Variants in MAGI2 observed in about 807,000 individuals in gnomAD.
MAGI2 encodes membrane-associated guanylate kinase, WW and PDZ domain-containing protein 2.
MAGI2 carries 35 observed loss-of-function variants against 133.3 expected under a neutral mutation model. That is an observed-to-expected ratio of 0.26 (90% CI 0.20 to 0.35). The LOEUF is 0.35. Ranked by LOEUF, MAGI2 falls within the 10% of genes least tolerant of loss-of-function variation. The pLI is 1.00. For synonymous variants in MAGI2, 729 were observed against 710.6 expected (o/e 1.03, Z -0.41); for missense variants, 1,636 against 1,863.4 (o/e 0.88, Z 2.25).
At chr7:78,681,284 G>A (rs759547697) in intron 2 of MAGI2, among the ~76,000 whole-genome samples, 4 of 151,910 alleles carry the variant, frequency 2.6e-5, no homozygotes, top group African/African-American at 7.3e-5. Context: ...TTGTATATGC[G>A]GAAGGGAAAA....
At chr7:78,826,080 C>T (rs932073175) in intron 2 of MAGI2, among the ~76,000 whole-genome samples, 1 of 151,970 alleles carries the variant, frequency 6.6e-6, no homozygotes, top group Non-Finnish European at 1.5e-5. Context: ...AGGCCAGGCA[C>T]GGTGGCTCAC....
At chr7:78,675,827 G>A (rs1018258284) in intron 2 of MAGI2, among the ~76,000 whole-genome samples, 1 of 152,118 alleles carries the variant, frequency 6.6e-6, no homozygotes, top group East Asian at 1.9e-4. Context: ...AATCAGAGGT[G>A]CAGAGCCAGT....
intron 6 of MAGI2, among the ~76,000 whole-genome samples, chr7:78,440,059 ATATT>A (rs1018314931): frequency 5.3e-5 from 8 of 151,990 alleles, no homozygotes; most frequent in Non-Finnish European, 8.8e-5. Context: ...GGCTCCCATT[ATATT>A]TAAAGTCACA....
At chr7:78,936,889 T>C (rs1390471871) in intron 2 of MAGI2, among the ~76,000 whole-genome samples, 5 of 152,022 alleles carry the variant, frequency 3.3e-5, no homozygotes, top group Admixed American at 2.6e-4. Flanking sequence ...GAAATGAATA[T>C]AAACATATAT....
At chr7:78,927,170 G>A (rs1169260744) in intron 2 of MAGI2, among the ~76,000 whole-genome samples, 1 of 151,990 alleles carries the variant, frequency 6.6e-6, no homozygotes, top group Non-Finnish European at 1.5e-5. Context: ...AGGAAACCTA[G>A]AGTCTGGTGT....
At position 78,047,924 on chromosome 7, in the gene MAGI2, T is replaced by A. The variant is rs564135992; in HGVS notation, c.3707-27948A>T. 2.0e-5 allele frequency among the ~76,000 whole-genome samples: 3 copies of A among 152,344 alleles called. No individual in the cohort carries two copies. In the South Asian group the frequency reaches 6.2e-4, roughly 32 times the overall value. On this transcript the variant is annotated intron_variant, in intron 21 of 21. Transcript: ENST00000354212. ...ACCCAGCTCAGCTCAGATGCCGCCA[T>A]ATTCTTGCAGTCCTCCTTGATAAGC...
intron 6 of MAGI2, among the ~76,000 whole-genome samples, chr7:78,458,964 C>A (rs1162792392): frequency 6.6e-6 from 1 of 152,102 alleles, no homozygotes; most frequent in Non-Finnish European, 1.5e-5. Flanking sequence ...AAATAAAAAT[C>A]TAAAAATTCA....
chr7:79,248,175 T>G (rs2129555475), intron 1 of MAGI2, among the ~76,000 whole-genome samples: 1 of 152,254 alleles, frequency 6.6e-6, no homozygotes, highest in Admixed American at 6.5e-5. Flanking sequence ...TGGAAAAAGA[T>G]ATCCCATACA....
intron 6 of MAGI2, among the ~76,000 whole-genome samples, chr7:78,373,813 G>T (rs149413521): frequency 3.6e-4 from 55 of 152,096 alleles, no homozygotes; most frequent in African/African-American, 1.3e-3. Flanking sequence ...TGAATATCCA[G>T]TGTTTAGCTC....
At chr7:78,516,451 C>G (rs534604454) in intron 4 of MAGI2, among the ~76,000 whole-genome samples, 1 of 152,192 alleles carries the variant, frequency 6.6e-6, no homozygotes, top group Admixed American at 6.5e-5. Flanking sequence ...TTCCTGGGCT[C>G]AAGTGATCCT....
chr7:79,283,342 C>G (rs1054960196), intron 1 of MAGI2, among the ~76,000 whole-genome samples: 13 of 152,042 alleles, frequency 8.6e-5, no homozygotes, highest in Admixed American at 8.5e-4. Context: ...AATAATAAAG[C>G]AGAAAGCATT....
chr7:79,416,269 G>T (rs528808595), intron 1 of MAGI2, among the ~76,000 whole-genome samples: 1 of 152,002 alleles, frequency 6.6e-6, no homozygotes, highest in East Asian at 1.9e-4. Flanking sequence ...AGTGAGGGAG[G>T]GTAAAAGAGA....
chr7:78,583,959 C>T (rs1803122640), intron 3 of MAGI2, among the ~76,000 whole-genome samples: 2 of 152,152 alleles, frequency 1.3e-5, no homozygotes, highest in Admixed American at 1.3e-4. Flanking sequence ...CTCAAATACC[C>T]TTCTAGAATA....
At chr7:78,737,130 A>G (rs1946351558) in intron 2 of MAGI2, among the ~76,000 whole-genome samples, 1 of 152,194 alleles carries the variant, frequency 6.6e-6, no homozygotes, top group Non-Finnish European at 1.5e-5. Context: ...TTACCAATAA[A>G]ATTTGAGCTT....
chr7:78,474,390 A>G (rs1791534039), intron 6 of MAGI2, among the ~76,000 whole-genome samples: 1 of 152,058 alleles, frequency 6.6e-6, no homozygotes, highest in African/African-American at 2.4e-5. Flanking sequence ...CACAAGCTGA[A>G]TTTCAAACTG....
chr7:78,525,417 C>T (rs1007500936), intron 3 of MAGI2, among the ~76,000 whole-genome samples: 1 of 85,750 alleles, frequency 1.2e-5, no homozygotes, highest in African/African-American at 8.1e-5. Flanking sequence ...ATTGAACTGA[C>T]TCCCTGAATA....
intron 13 of MAGI2, among the ~76,000 whole-genome samples, chr7:78,182,373 T>C (rs371711565): frequency 1.3e-3 from 193 of 152,324 alleles, no homozygotes; most frequent in African/African-American, 4.3e-3. Context: ...CTTTAAAATA[T>C]CCCTTCTCTT....
chr7:78,710,706 T>C (rs554483959), intron 2 of MAGI2, among the ~76,000 whole-genome samples: 1 of 152,118 alleles, frequency 6.6e-6, no homozygotes, highest in Non-Finnish European at 1.5e-5. Flanking sequence ...TAAATGCCGC[T>C]TGACACAAAA....
At chr7:79,037,047 T>A (rs1378297384) in intron 1 of MAGI2, among the ~76,000 whole-genome samples, 1 of 152,192 alleles carries the variant, frequency 6.6e-6, no homozygotes, top group African/African-American at 2.4e-5. Flanking sequence ...ACTTTAACCT[T>A]TTTTGGACAT....
Sources: gnomAD v4.1 joint callset for allele counts (sites outside exome capture counted in the v4.1 genomes callset) on GRCh38, gnomAD v4.1.1 for gene constraint, MANE v1.5 for transcripts, NCBI Gene and HGNC (gene_info 2026-07-23, HGNC 2026-07-21) for gene names.